The following FHIT variants were observed in gnomAD, a reference collection of about 807,000 sequenced individuals.
The protein encoded by FHIT is bis(5'-adenosyl)-triphosphatase.
Under a neutral mutation model 17.9 loss-of-function variants are expected in FHIT, and 19 were observed. That is an observed-to-expected ratio of 1.06 (90% CI 0.74 to 1.56). The LOEUF is 1.56. Among genes scored for constraint, FHIT ranks in the 40% most tolerant of loss-of-function variants. FHIT has a pLI of 0.00. For missense variants in FHIT, 248 were observed against 189.2 expected (o/e 1.31, Z -1.82); for synonymous variants, 81 against 69.7 (o/e 1.16, Z -0.81).
intron 5 of FHIT, among the ~76,000 whole-genome samples, chr3:60,275,810 C>T (rs1256986713): frequency 6.6e-6 from 1 of 152,138 alleles, no homozygotes; most frequent in Non-Finnish European, 1.5e-5. Context: ...GGTCTTTCGG[C>T]ATCAGTCCTA....
chr3:60,934,196 G>C (rs1382015101), intron 3 of FHIT, among the ~76,000 whole-genome samples: 17 of 152,034 alleles, frequency 1.1e-4, no homozygotes, highest in Admixed American at 1.1e-3. Flanking sequence ...CTAGGCTTTT[G>C]CAGTACCAGG....
chr3:60,771,661 G>T (rs1279687905), intron 4 of FHIT, among the ~76,000 whole-genome samples: 1 of 152,074 alleles, frequency 6.6e-6, no homozygotes, highest in East Asian at 1.9e-4. Context: ...ATAGAAGGGG[G>T]TGAAAAAGCA....
intron 5 of FHIT, among the ~76,000 whole-genome samples, chr3:60,384,586 G>C (rs994089970): frequency 6.6e-6 from 1 of 152,056 alleles, no homozygotes; most frequent in Non-Finnish European, 1.5e-5. Context: ...TTATTACCAC[G>C]AAACTGGTCA....
At chr3:61,026,587 C>T (rs987835322) in intron 3 of FHIT, among the ~76,000 whole-genome samples, 38 of 152,180 alleles carry the variant, frequency 2.5e-4, no homozygotes, top group African/African-American at 9.2e-4. Context: ...GCACACAGCT[C>T]AGGACAGCTT....
chr3:60,097,024 T>TTA (rs772800549), intron 5 of FHIT, among the ~76,000 whole-genome samples: 2 of 127,232 alleles, frequency 1.6e-5, no homozygotes, highest in South Asian at 3.0e-4. Flanking sequence ...CTGTTATTAT[T>TTA]AAAAAAAAAA....
chr3:59,926,477 C>G (rs1295140774), intron 7 of FHIT, among the ~76,000 whole-genome samples: 2 of 152,060 alleles, frequency 1.3e-5, no homozygotes, highest in Non-Finnish European at 2.9e-5. Flanking sequence ...AATAAGTGTC[C>G]TGAAGAAAAA....
chr3:60,247,547 T>C lies in FHIT; in HGVS notation c.104-233395A>G, dbSNP rs184917565. ...TGTTTTGGGTTTACAAAATTAAACA[T>C]TTGGCATTCTTGCTCAAAAACAGCA... On this transcript the variant is annotated intron_variant, in intron 5 of 9. Coordinates refer to ENST00000492590, the MANE Select transcript of FHIT (RefSeq NM_002012.4). 4.5e-3 allele frequency among the ~76,000 whole-genome samples: 692 copies of C among 152,274 alleles called. 2 individuals are homozygous for C. The highest frequency in any genetic ancestry group is 7.7e-3 in the Non-Finnish European group (524 of 68,016).
At position 60,101,430 on chromosome 3, in the gene FHIT, T is replaced by C. The variant is rs572463620; in HGVS notation, c.104-87278A>G. Among the ~76,000 whole-genome samples, 178 of 152,340 alleles carry C rather than the reference T, an allele frequency of 1.2e-3. 1 individual carries two copies. The highest frequency in any genetic ancestry group is 6.8e-3 in the Middle Eastern group (2 of 294). On this transcript the variant is annotated intron_variant, in intron 5 of 9. Transcript: ENST00000492590. Reference sequence around the variant, plus strand: ...GCTCCCCAGGACTGGCTCTTGCTCATCCGTTAAGTTTCAGCTAAGTGTCAC... The same window carrying C: ...GCTCCCCAGGACTGGCTCTTGCTCACCCGTTAAGTTTCAGCTAAGTGTCAC...
intron 3 of FHIT, among the ~76,000 whole-genome samples, chr3:60,960,195 G>A (rs1231267895): frequency 6.6e-6 from 1 of 151,968 alleles, no homozygotes; most frequent in Admixed American, 6.6e-5. Context: ...TCTAACACTT[G>A]GAATATCCCA....
At chr3:60,358,000 G>C (rs1699748504) in intron 5 of FHIT, among the ~76,000 whole-genome samples, 1 of 152,164 alleles carries the variant, frequency 6.6e-6, no homozygotes, top group Non-Finnish European at 1.5e-5. Context: ...TCGAACTATA[G>C]ACCTCCAACC....
intron 4 of FHIT, among the ~76,000 whole-genome samples, chr3:60,561,076 C>T (rs549918110): frequency 6.6e-5 from 10 of 152,006 alleles, no homozygotes; most frequent in Middle Eastern, 6.8e-3. Flanking sequence ...TGCACTTTTC[C>T]ATGTCTCTAT....
chr3:60,947,365 T>C (rs1708683793), intron 3 of FHIT, among the ~76,000 whole-genome samples: 1 of 152,214 alleles, frequency 6.6e-6, no homozygotes, highest in African/African-American at 2.4e-5. Context: ...ACTATGACTA[T>C]CGCGTGTTTT....
At chr3:60,443,978 A>C (rs1451312962) in intron 5 of FHIT, among the ~76,000 whole-genome samples, 6 of 152,174 alleles carry the variant, frequency 3.9e-5, no homozygotes, top group African/African-American at 1.4e-4. Flanking sequence ...TCTACAATGA[A>C]CTCAAACAAA....
At chr3:60,725,537 C>A (rs1484914637) in intron 4 of FHIT, among the ~76,000 whole-genome samples, 2 of 152,146 alleles carry the variant, frequency 1.3e-5, no homozygotes, top group Non-Finnish European at 2.9e-5. Flanking sequence ...TCTTTTGCAT[C>A]ACTCCAAGAC....
At chr3:60,377,023 CTAAAA>C (rs1700591355) in intron 5 of FHIT, among the ~76,000 whole-genome samples, 1 of 152,064 alleles carries the variant, frequency 6.6e-6, no homozygotes, top group Non-Finnish European at 1.5e-5. Flanking sequence ...TCTTACTTTA[CTAAAA>C]TAATATCTTT....
chr3:61,003,695 T>C (rs754025356), intron 3 of FHIT, among the ~76,000 whole-genome samples: 4 of 152,232 alleles, frequency 2.6e-5, no homozygotes, highest in Non-Finnish European at 5.9e-5. Flanking sequence ...CCAATTTTAA[T>C]AGGTAAAAAA....
In FHIT at chr3:59,988,343, T is replaced by G. The variant is rs145845446; in HGVS notation, c.279+23028A>C. The stretch of plus-strand genomic sequence containing the variant: ...CATCTCTCTTTGATATTTCTTTGTT[T>G]GGTATTTCTCTCACCTCTTATGCCC... On this transcript the variant is annotated intron_variant, in intron 7 of 9. Coordinates refer to ENST00000492590, the MANE Select transcript of FHIT (RefSeq NM_002012.4). 2.7e-3 allele frequency among the ~76,000 whole-genome samples: 409 copies of G among 152,262 alleles called. 3 individuals are homozygous for G. The highest frequency in any genetic ancestry group is 3.2e-3 in the Non-Finnish European group (218 of 68,016).
chr3:61,251,030 C>T (rs925782462), intron 1 of FHIT, among the ~76,000 whole-genome samples: 1 of 152,198 alleles, frequency 6.6e-6, no homozygotes, highest in African/African-American at 2.4e-5. Flanking sequence ...TCCCCGGACC[C>T]GCTGGCGTGG....
chr3:59,809,429 C>T (rs1201469309), intron 8 of FHIT, among the ~76,000 whole-genome samples: 1 of 152,204 alleles, frequency 6.6e-6, no homozygotes, highest in Admixed American at 6.5e-5. Context: ...TTTGGACATC[C>T]AGCATCTTGA....
Sources: allele counts gnomAD v4.1 joint callset (sites outside exome capture counted in the v4.1 genomes callset), GRCh38; gene constraint gnomAD v4.1.1; transcripts MANE v1.5; gene names NCBI Gene and HGNC (gene_info 2026-07-23, HGNC 2026-07-21).